NAT1: variants seen among roughly 807,000 people sequenced by gnomAD.
NAT1 encodes the protein N-acetyltransferase 1.
For missense variants in NAT1, 400 were observed against 339.2 expected (o/e 1.18, Z -1.41); for synonymous variants, 144 against 122.6 (o/e 1.17, Z -1.16).
intron 2 of NAT1, among the ~76,000 whole-genome samples, chr8:18,182,570 A>G (rs1489840319): frequency 1.3e-5 from 2 of 152,154 alleles, no homozygotes; most frequent in South Asian, 2.1e-4. Flanking sequence ...TTTGTCATGA[A>G]TTTGGTGTCC....
At chr8:18,191,631 T>C (rs1243706672) in intron 2 of NAT1, among the ~76,000 whole-genome samples, 1 of 152,140 alleles carries the variant, frequency 6.6e-6, no homozygotes, top group East Asian at 1.9e-4. Flanking sequence ...ATGGTACTGG[T>C]ACCAAAACAG....
rs183516476 is a variant in NAT1 at position 18,194,509 on chromosome 8, G to C, written n.93-15272G>C. 5.7e-3 allele frequency among the ~76,000 whole-genome samples: 862 copies of C among 152,118 alleles called. 7 individuals are homozygous for C. Among genetic ancestry groups the C allele is most frequent in the African/African-American group, 0.019 (803 of 41,522 alleles). On this transcript the variant is annotated intron_variant and non_coding_transcript_variant, in intron 2 of 4. Coordinates refer to the NAT1 transcript ENST00000517441. ...AATGGCCCTGTAGACACAATATAAA[G>C]CATGGCCCTTGAGCAGGAGACTTAA...
chr8:18,185,849 C>T (rs535131061), intron 2 of NAT1, among the ~76,000 whole-genome samples: 5 of 152,150 alleles, frequency 3.3e-5, no homozygotes, highest in African/African-American at 9.6e-5. Flanking sequence ...TGATATGTTA[C>T]ATTTTGTTAT....
intron 2 of NAT1, among the ~76,000 whole-genome samples, chr8:18,178,130 C>T (rs1802362970): frequency 6.6e-6 from 1 of 152,114 alleles, no homozygotes; most frequent in East Asian, 1.9e-4. Context: ...CTAGCTGACA[C>T]TGCAGGGAAG....
At chr8:18,191,920 T>C (rs1011044545) in intron 2 of NAT1, among the ~76,000 whole-genome samples, 1 of 152,170 alleles carries the variant, frequency 6.6e-6, no homozygotes, top group African/African-American at 2.4e-5. Flanking sequence ...ATTTAGGACA[T>C]AGGCATGGGC....
chr8:18,200,042 G>T (rs943658600), intron 2 of NAT1, among the ~76,000 whole-genome samples: 3 of 152,152 alleles, frequency 2.0e-5, no homozygotes, highest in African/African-American at 7.2e-5. Flanking sequence ...TGGAGAAAAG[G>T]TAACACTTAT....
chr8:18,218,796 A>G (rs1804966406), intron 1 of NAT1, among the ~76,000 whole-genome samples: 2 of 152,144 alleles, frequency 1.3e-5, no homozygotes, highest in South Asian at 2.1e-4. Context: ...CCCTTTGGCT[A>G]AATGAGTTTC....
At chr8:18,220,785 T>C (rs901947699) in intron 2 of NAT1, among the ~76,000 whole-genome samples, 1 of 147,492 alleles carries the variant, frequency 6.8e-6, no homozygotes, top group African/African-American at 2.4e-5. Flanking sequence ...TTCTACCTTG[T>C]AGCAGAATGT....
upstream of NAT1, chr8:18,209,781 G>C (rs951320319): frequency 6.6e-6 from 1 of 152,102 alleles, no homozygotes; most frequent in African/African-American, 2.4e-5. Flanking sequence ...CCTCCTCTAG[G>C]TTACCAGTTC....
chr8:18,187,675 G>A (rs1802797447), intron 2 of NAT1, among the ~76,000 whole-genome samples: 1 of 151,894 alleles, frequency 6.6e-6, no homozygotes, highest in African/African-American at 2.4e-5. Flanking sequence ...ACACGAAGAA[G>A]GGAATAACAC....
intron 1 of NAT1, among the ~76,000 whole-genome samples, chr8:18,217,230 G>C (rs1255666703): frequency 1.3e-5 from 2 of 152,220 alleles, no homozygotes; most frequent in Non-Finnish European, 2.9e-5. Flanking sequence ...CAGCCTGCCA[G>C]TCCCCGAAAT....
chr8:18,174,349 C>A (rs1802209350), intron 2 of NAT1, among the ~76,000 whole-genome samples: 1 of 152,098 alleles, frequency 6.6e-6, no homozygotes, highest in South Asian at 2.1e-4. Context: ...TTAAACACAT[C>A]ATTATTTTAG....
intron 2 of NAT1, among the ~76,000 whole-genome samples, chr8:18,176,733 T>C (rs1226497303): frequency 6.6e-6 from 1 of 152,048 alleles, no homozygotes; most frequent in Non-Finnish European, 1.5e-5. Context: ...GTTAGGATTT[T>C]TTTTCTATTT....
chr8:18,183,341 A>G (rs1372172717), intron 2 of NAT1, among the ~76,000 whole-genome samples: 2 of 152,206 alleles, frequency 1.3e-5, no homozygotes, highest in African/African-American at 4.8e-5. Flanking sequence ...AAACCATTTT[A>G]AACCACAGCA....
At chr8:18,175,421 G>A (rs908105156) in intron 2 of NAT1, among the ~76,000 whole-genome samples, 1 of 151,768 alleles carries the variant, frequency 6.6e-6, no homozygotes, top group African/African-American at 2.4e-5. Context: ...TTGTTTCTAT[G>A]AGATCACATT....
At chr8:18,171,569 A>G (rs1802098160) in intron 2 of NAT1, among the ~76,000 whole-genome samples, 1 of 152,158 alleles carries the variant, frequency 6.6e-6, no homozygotes, top group Admixed American at 6.6e-5. Flanking sequence ...GCTAGGAGGA[A>G]TTGTTGAAAA....
At chr8:18,190,209 G>T (rs1157557034) in intron 2 of NAT1, among the ~76,000 whole-genome samples, 3 of 152,212 alleles carry the variant, frequency 2.0e-5, no homozygotes, top group South Asian at 2.1e-4. Context: ...GATGCTAGAG[G>T]TAACTTGCCC....
chr8:18,196,898 G>T (rs1803256193), intron 2 of NAT1, among the ~76,000 whole-genome samples: 1 of 152,172 alleles, frequency 6.6e-6, no homozygotes, highest in Non-Finnish European at 1.5e-5. Context: ...TTTAATTCTT[G>T]TATTAGTCCG....
intron 2 of NAT1, among the ~76,000 whole-genome samples, chr8:18,197,154 A>G (rs1269460713): frequency 1.3e-5 from 2 of 152,144 alleles, no homozygotes; most frequent in Non-Finnish European, 2.9e-5. Context: ...TCCAAGATCC[A>G]TGAACCACCC....
Sources: allele counts gnomAD v4.1 joint callset (sites outside exome capture counted in the v4.1 genomes callset), GRCh38; gene constraint gnomAD v4.1.1; transcripts MANE v1.5; gene names NCBI Gene and HGNC (gene_info 2026-07-23, HGNC 2026-07-21).